The following SUMF1 variants were observed in gnomAD, a reference collection of about 807,000 sequenced individuals.
The protein encoded by SUMF1 is sulfatase modifying factor 1.
SUMF1 carries 48 observed loss-of-function variants against 47.6 expected under a neutral mutation model. The observed-to-expected ratio is 1.01, with a 90% CI of 0.80 to 1.28. The LOEUF is 1.28. Ranked by LOEUF, SUMF1 falls within the 50% of genes most tolerant of loss-of-function variation. SUMF1 has a pLI of 0.00. For synonymous variants in SUMF1, 230 were observed against 192.1 expected, an observed-to-expected ratio of 1.20 and a Z score of -1.63; for missense variants, 571 against 485.4, an observed-to-expected ratio of 1.18 and a Z score of -1.66.
At chr3:4,051,749 G>A (rs1252485783) in intron 9 of SUMF1, among the ~76,000 whole-genome samples, 2 of 152,112 alleles carry the variant, frequency 1.3e-5, no homozygotes, top group Non-Finnish European at 1.5e-5. Context: ...GTTCACTTCT[G>A]TCTTCTCTCC....
chr3:4,115,146 A>C (rs55923429), intron 8 of SUMF1, among the ~76,000 whole-genome samples: 60,683 of 151,644 alleles, frequency 0.4, 12,497 homozygotes, highest in Admixed American at 0.48. Flanking sequence ...AGAGGAGCGG[A>C]AGAGGTCACC....
At chr3:4,157,261 T>G (rs1383286170) in intron 8 of SUMF1, among the ~76,000 whole-genome samples, 2 of 151,522 alleles carry the variant, frequency 1.3e-5, no homozygotes, top group African/African-American at 4.9e-5. Flanking sequence ...TTTTTAGATG[T>G]GCTGGTCATG....
intron 8 of SUMF1, among the ~76,000 whole-genome samples, chr3:4,224,433 C>A (rs2125178016): frequency 6.6e-6 from 1 of 152,154 alleles, no homozygotes; most frequent in Non-Finnish European, 1.5e-5. Flanking sequence ...TTTTCCCCAT[C>A]TCTTATTTTT....
intron 8 of SUMF1, among the ~76,000 whole-genome samples, chr3:4,130,996 A>G (rs1693775851): frequency 6.6e-6 from 1 of 152,144 alleles, no homozygotes; most frequent in Non-Finnish European, 1.5e-5. Context: ...GAATCACTGC[A>G]GAGCCCTGTA....
At chr3:4,303,343 G>A (rs925015805) in intron 8 of SUMF1, 1 of 1,525,546 alleles carries the variant, frequency 6.6e-7, no homozygotes, top group Non-Finnish European at 8.8e-7. Flanking sequence ...GGACTGTCAG[G>A]GTAGTGGGCG....
intron 8 of SUMF1, among the ~76,000 whole-genome samples, chr3:4,182,052 TAGAGA>T (rs1695107688): frequency 6.6e-6 from 1 of 152,184 alleles, no homozygotes; most frequent in African/African-American, 2.4e-5. Flanking sequence ...CATACTGTGA[TAGAGA>T]TTCTATTTAC....
At chr3:4,269,372 A>C (rs1697261131) in intron 8 of SUMF1, among the ~76,000 whole-genome samples, 1 of 152,208 alleles carries the variant, frequency 6.6e-6, no homozygotes, top group South Asian at 2.1e-4. Flanking sequence ...TTTGCGCTTC[A>C]TAATTCACTA....
chr3:4,351,179 T>C (rs1285959642), intron 8 of SUMF1, among the ~76,000 whole-genome samples: 4 of 152,016 alleles, frequency 2.6e-5, no homozygotes, highest in Non-Finnish European at 4.4e-5. Context: ...TTAATAAATA[T>C]AAAATTACAA....
intron 3 of SUMF1, among the ~76,000 whole-genome samples, chr3:4,422,172 C>T (rs567026671): frequency 6.6e-6 from 1 of 152,098 alleles, no homozygotes; most frequent in Non-Finnish European, 1.5e-5. Context: ...GTAGAAGTTC[C>T]TCTGGGGGCT....
intron 8 of SUMF1, among the ~76,000 whole-genome samples, chr3:4,305,954 G>C (rs1043046898): frequency 2.0e-5 from 3 of 152,216 alleles, no homozygotes; most frequent in Non-Finnish European, 4.4e-5. Context: ...GCATTGCTGA[G>C]TTCCTGGTCA....
At chr3:4,232,831 G>GT (rs1696331109) in intron 8 of SUMF1, among the ~76,000 whole-genome samples, 2 of 152,004 alleles carry the variant, frequency 1.3e-5, no homozygotes, top group Admixed American at 1.3e-4. Context: ...TCCAATGCAG[G>GT]TGTTATGCCT....
At chr3:4,398,349 A>C (rs753530038) in intron 7 of SUMF1, among the ~76,000 whole-genome samples, 1 of 152,146 alleles carries the variant, frequency 6.6e-6, no homozygotes, top group East Asian at 1.9e-4. Context: ...TAAAACTTCT[A>C]CGTGTGGATA....
rs1263165735 is a variant in SUMF1 at position 4,188,724 on chromosome 3, C to A, written c.1015-119979G>T. Among the ~76,000 whole-genome samples the A allele has an allele frequency of 1.3e-5, 2 of 152,218 alleles. 1 individual carries two copies. The highest frequency in any genetic ancestry group is 3.9e-4 in the East Asian group (2 of 5,168). On this transcript the variant is annotated intron_variant and NMD_transcript_variant, in intron 8 of 12. Coordinates refer to the SUMF1 transcript ENST00000448413. ...TAATTTGCTTAACCTCTGTGAGCCT[C>A]ATTTTCCTTGTCTATAAAATGGGGA... is the stretch of plus-strand genomic sequence containing the variant.
intron 8 of SUMF1, among the ~76,000 whole-genome samples, chr3:4,076,953 G>A (rs942987332): frequency 5.3e-5 from 8 of 151,946 alleles, no homozygotes; most frequent in South Asian, 2.1e-4. Context: ...GCAGTGAGCC[G>A]AGATCGTGCC....
In SUMF1 at chr3:4,467,247, T is replaced by C; in HGVS notation, c.-2A>G. 1 of 1,607,412 alleles carries C rather than the reference T, an allele frequency of 6.2e-7. No homozygotes were observed. The highest frequency in any genetic ancestry group is 8.5e-7 in the Non-Finnish European group (1 of 1,177,480). On this transcript the variant is annotated 5_prime_UTR_variant, in exon 1 of 9. Transcript: ENST00000272902. ...CAGCCCTAGTGCGGGCGCAGCCATG[T>C]TGTCCCGCGGGCCATGTGACCCGGT...
At chr3:4,181,960 T>A (rs1026435744) in intron 8 of SUMF1, among the ~76,000 whole-genome samples, 10 of 152,194 alleles carry the variant, frequency 6.6e-5, no homozygotes, top group African/African-American at 2.4e-4. Flanking sequence ...CAAGTCATTA[T>A]AATATTTGTT....
chr3:4,260,313 G>A (rs1697058254), intron 8 of SUMF1, among the ~76,000 whole-genome samples: 1 of 152,108 alleles, frequency 6.6e-6, no homozygotes, highest in Non-Finnish European at 1.5e-5. Context: ...CTGGCTAATT[G>A]ATACCAGGCA....
intron 3 of SUMF1, among the ~76,000 whole-genome samples, chr3:4,420,655 C>A (rs1701868623): frequency 6.6e-6 from 1 of 152,136 alleles, no homozygotes. Context: ...CTCGGCCTCC[C>A]AAAGTGCTGG....
At chr3:4,093,076 A>G (rs1336702123) in intron 8 of SUMF1, among the ~76,000 whole-genome samples, 4 of 152,102 alleles carry the variant, frequency 2.6e-5, no homozygotes, top group Non-Finnish European at 4.4e-5. Flanking sequence ...TGGTTCTGTC[A>G]TTTGTAGTTG....
Sources: gnomAD v4.1 joint callset for allele counts (sites outside exome capture counted in the v4.1 genomes callset) on GRCh38, gnomAD v4.1.1 for gene constraint, MANE v1.5 for transcripts, NCBI Gene and HGNC (gene_info 2026-07-23, HGNC 2026-07-21) for gene names.